Variants in PTPRK observed in about 807,000 individuals in gnomAD.
The protein encoded by PTPRK is receptor-type tyrosine-protein phosphatase kappa.
A neutral mutation model predicts 178.0 loss-of-function variants in PTPRK; 75 were observed. The ratio of observed to expected loss-of-function variants is 0.42; its 90% CI spans 0.35 to 0.51. PTPRK has a LOEUF of 0.51. PTPRK is among the 20% of genes least tolerant of loss of function. The pLI, the probability that PTPRK is intolerant of heterozygous loss-of-function variation, is 0.02. For synonymous variants in PTPRK, 637 were observed against 620.6 expected (o/e 1.03, Z -0.39); for missense variants, 1,441 against 1,797.8 (o/e 0.80, Z 3.59).
At chr6:128,423,415 T>C (rs1843725404) in intron 1 of PTPRK, among the ~76,000 whole-genome samples, 1 of 152,186 alleles carries the variant, frequency 6.6e-6, no homozygotes, top group African/African-American at 2.4e-5. Flanking sequence ...AGGTTCTATG[T>C]GTGAGTGTGA....
chr6:128,005,192 T>C lies in PTPRK; in HGVS notation c.2386A>G (p.Thr796Ala). Residue 796 changes from threonine (T) to alanine (A), a missense_variant, in exon 15 of 30, where the codon ACT becomes GCT. This residue lies in a region of PTPRK where 945 missense variants were observed against 1,080.6 expected (regional missense o/e 0.87). Transcript: ENST00000368226. ...DAMGNTRQEM[T>A]HMVNAMDRSY... ...CGATCCATTGCATTCACCATGTGAG[T>C]CATCTCCTGCCGGGTATTCCCCATG... The C allele has an allele frequency of 6.2e-7, 1 of 1,611,592 alleles. No individual in the cohort carries two copies. The highest frequency in any genetic ancestry group is 8.5e-7 in the Non-Finnish European group (1 of 1,178,536).
At chr6:128,295,592 G>C (rs796475611) in intron 3 of PTPRK, among the ~76,000 whole-genome samples, 1 of 152,016 alleles carries the variant, frequency 6.6e-6, no homozygotes, top group Non-Finnish European at 1.5e-5. Flanking sequence ...GTAAAGTGCC[G>C]AATACAAATC....
intron 18 of PTPRK, among the ~76,000 whole-genome samples, chr6:127,993,692 A>G (rs919149695): frequency 4.6e-5 from 7 of 151,702 alleles, no homozygotes; most frequent in African/African-American, 1.2e-4. Flanking sequence ...AAATAGCACA[A>G]TGTTTTATGG....
intron 7 of PTPRK, among the ~76,000 whole-genome samples, chr6:128,143,356 T>C (rs1796048230): frequency 6.6e-6 from 1 of 152,162 alleles, no homozygotes; most frequent in Non-Finnish European, 1.5e-5. Flanking sequence ...AAAACCTTTG[T>C]AATTATCCGA....
intron 3 of PTPRK, among the ~76,000 whole-genome samples, chr6:128,305,188 C>T (rs1424230905): frequency 3.3e-5 from 5 of 152,322 alleles, no homozygotes; most frequent in African/African-American, 1.2e-4. Context: ...TGGCTTATCA[C>T]TGTCATTTTA....
chr6:128,372,244 A>G (rs1265737901), intron 2 of PTPRK, among the ~76,000 whole-genome samples: 1 of 152,218 alleles, frequency 6.6e-6, no homozygotes, highest in Non-Finnish European at 1.5e-5. Flanking sequence ...TGCCTATAGC[A>G]TAACAAAGGA....
chr6:128,089,607 G>A (rs750568741), intron 8 of PTPRK, 83 bp downstream of exon 8: 47 of 1,345,804 alleles, frequency 3.5e-5, no homozygotes, highest in Non-Finnish European at 4.8e-5. Flanking sequence ...TTCAGTATTG[G>A]ACAATCTTAG....
At chr6:128,162,349 C>T (rs139289626) in intron 7 of PTPRK, among the ~76,000 whole-genome samples, 11 of 151,636 alleles carry the variant, frequency 7.3e-5, no homozygotes, top group Admixed American at 2.0e-4. Context: ...TGTGTCTTTG[C>T]GTGTGTTTAT....
intron 1 of PTPRK, among the ~76,000 whole-genome samples, chr6:128,399,462 G>A (rs1840746244): frequency 6.6e-6 from 1 of 152,158 alleles, no homozygotes; most frequent in Admixed American, 6.5e-5. Flanking sequence ...TTTTAAATAT[G>A]CTTAAAATAG....
intron 13 of PTPRK, among the ~76,000 whole-genome samples, chr6:128,021,860 C>T (rs892445381): frequency 3.3e-5 from 5 of 152,156 alleles, no homozygotes; most frequent in Non-Finnish European, 7.4e-5. Flanking sequence ...ACTTGAATCT[C>T]AGTTTCTTTG....
At chr6:128,397,768 A>G in intron 1 of PTPRK, 80 bp from the exon 2 acceptor site, 1 of 1,356,770 alleles carries the variant, frequency 7.4e-7, no homozygotes, top group South Asian at 1.2e-5. Context: ...GAAATGTTAT[A>G]TTGATATATA....
At chr6:128,047,461 C>T (rs1778253074) in intron 13 of PTPRK, among the ~76,000 whole-genome samples, 3 of 151,974 alleles carry the variant, frequency 2.0e-5, no homozygotes, top group Admixed American at 6.6e-5. Flanking sequence ...ACATGTATAC[C>T]TTAGCTTTTG....
chr6:128,094,556 T>TG (rs556840049), intron 7 of PTPRK, among the ~76,000 whole-genome samples: 1 of 152,082 alleles, frequency 6.6e-6, no homozygotes, highest in African/African-American at 2.4e-5. Context: ...AGACACAGAT[T>TG]GGGGGGTAAA....
chr6:128,404,978 G>A (rs1841481963), intron 1 of PTPRK, among the ~76,000 whole-genome samples: 1 of 152,134 alleles, frequency 6.6e-6, no homozygotes, highest in East Asian at 1.9e-4. Flanking sequence ...ACAACCTCAA[G>A]AGAAGGTATT....
intron 1 of PTPRK, among the ~76,000 whole-genome samples, chr6:128,509,328 G>A (rs1358021259): frequency 6.6e-6 from 1 of 152,090 alleles, no homozygotes; most frequent in African/African-American, 2.4e-5. Context: ...GAAAAAAGTT[G>A]GGGGGACTGC....
intron 5 of PTPRK, among the ~76,000 whole-genome samples, chr6:128,224,626 T>C (rs1179675142): frequency 6.6e-6 from 1 of 152,204 alleles, no homozygotes; most frequent in Non-Finnish European, 1.5e-5. Context: ...ACTGGGCCAT[T>C]AACACTAGGT....
intron 2 of PTPRK, among the ~76,000 whole-genome samples, chr6:128,346,616 C>T (rs908382346): frequency 1.3e-5 from 2 of 152,038 alleles, no homozygotes; most frequent in African/African-American, 4.8e-5. Flanking sequence ...AAAGATAAAA[C>T]ATTTATACAG....
intron 3 of PTPRK, among the ~76,000 whole-genome samples, chr6:128,299,696 C>A (rs1173871421): frequency 4.6e-5 from 7 of 152,100 alleles, no homozygotes; most frequent in African/African-American, 1.4e-4. Context: ...TGGATCCCTT[C>A]CTTACACCTT....
intron 1 of PTPRK, chr6:128,491,936 T>C (rs1853856615): frequency 4.6e-6 from 2 of 434,622 alleles, no homozygotes; most frequent in African/African-American, 4.1e-5. Flanking sequence ...TGGGAATTGA[T>C]TCACTACTGT....
Sources: gnomAD v4.1 joint callset for allele counts (sites outside exome capture counted in the v4.1 genomes callset) on GRCh38, gnomAD v4.1.1 for gene constraint, gnomAD v4.1.1 regional missense constraint, MANE v1.5 for transcripts, NCBI Gene and HGNC (gene_info 2026-07-23, HGNC 2026-07-21) for gene names.